The following RPS7 variants were observed in gnomAD, a reference collection of about 807,000 sequenced individuals.
RPS7 encodes the protein ribosomal protein S7.
Under a neutral mutation model 22.1 loss-of-function variants are expected in RPS7, and 1 was observed. The observed-to-expected ratio is 0.05, with a 90% CI of 0.02 to 0.21. The LOEUF is 0.21. Among genes scored for constraint, RPS7 ranks in the 10% least tolerant of loss-of-function variants. RPS7 has a pLI of 1.00. For synonymous variants in RPS7, 80 were observed against 92.0 expected, an observed-to-expected ratio of 0.87 and a Z score of 0.74; for missense variants, 137 against 246.4, an observed-to-expected ratio of 0.56 and a Z score of 2.97.
chr2:3,575,870 G>C lies in RPS7; in HGVS notation c.129G>C (p.Leu43=), dbSNP rs375502460. ...NSDLKAQLRE[L]NITAAKEIEV... is the part of the protein sequence containing the mutation. ...ACCTCAAGGCTCAGCTCAGGGAGCT[G>C]AATATTACGGCAGCTAAGGTAAGCT... Residue 43 remains leucine (L), a synonymous_variant, in exon 3 of 7, where the codon CTG becomes CTC. Transcript: ENST00000645674. 6.2e-7 allele frequency: 1 copy of C among 1,610,370 alleles called. No individual in the cohort carries two copies. Among genetic ancestry groups the C allele is most frequent in the African/African-American group, 1.3e-5 (1 of 74,850 alleles).
intron 5 of RPS7, chr2:3,578,834 A>C (rs1661341858): frequency 6.6e-6 from 1 of 152,234 alleles, no homozygotes; most frequent in Non-Finnish European, 1.5e-5. Context: ...AGTTTCCCTC[A>C]GTACAAACCT....
rs926691622 is a variant in RPS7 at position 3,576,754 on chromosome 2, G to A, written c.291+124G>A. The A allele has an allele frequency of 8.2e-6, 10 of 1,224,572 alleles. No individual in the cohort carries two copies. In the Admixed American group the frequency reaches 1.2e-4, roughly 14 times the overall value. The allele number at this position is 1,224,572 out of a possible 1,614,324, so 75.9% of individuals were successfully genotyped here. On this transcript the variant is annotated intron_variant, in intron 4 of 6. Coordinates refer to ENST00000645674, the MANE Select transcript of RPS7 (RefSeq NM_001011.4). ...TTTTATGAATCCAATTGGGTAGAAA[G>A]ATAAAGTACAGGCAGAGCGCCGTGG...
intron 4 of RPS7, chr2:3,576,862 G>A: frequency 3.3e-6 from 2 of 599,340 alleles, no homozygotes; most frequent in East Asian, 2.9e-5. Context: ...GTAAGACCCT[G>A]TCTACAAAAA....
rs1661360203 is a variant in RPS7 at position 3,579,850 on chromosome 2, G to A, written c.357-260G>A. On this transcript the variant is annotated intron_variant, in intron 5 of 6. Transcript: ENST00000645674. The stretch of plus-strand genomic sequence containing the variant: ...CTAGAGATGGTCACTCATTGCCTTG[G>A]TGAGTTTGTAGTTTATCCCAGAGTA... The A allele has an allele frequency of 1.4e-5, 8 of 562,428 alleles. No homozygotes were observed. In the East Asian group the frequency reaches 2.2e-4, roughly 15 times the overall value. 34.8% of individuals were successfully genotyped at this position (562,428 alleles called of 1,614,324 possible).
intron 5 of RPS7, 187 bp from the exon 6 acceptor site, chr2:3,579,923 C>T (rs1056667856): frequency 1.1e-5 from 7 of 642,970 alleles, no homozygotes; most frequent in Non-Finnish European, 1.9e-5. Context: ...AAGCTATTAC[C>T]CTATTCTAGG....
At chr2:3,577,514 A>G (rs1400518201) in intron 4 of RPS7, 196 bp from the exon 5 acceptor site, 11 of 599,134 alleles carry the variant, frequency 1.8e-5, no homozygotes, top group Non-Finnish European at 3.0e-5. Context: ...TGGATTCTGA[A>G]TGATTTATTC....
chr2:3,575,711 G>A (rs1558471913), intron 2 of RPS7, 27 bp downstream of exon 2: 16 of 1,605,312 alleles, frequency 1.0e-5, no homozygotes, highest in African/African-American at 1.3e-5. Flanking sequence ...GGGGTCTGGG[G>A]TGGGGGGAGG....
In RPS7 at chr2:3,577,692, A is replaced by G. The variant is rs1661315560; in HGVS notation, c.292-18A>G. ...AAGTCTTTTTTCATTTTGTTACATG[A>G]TAATTTTTACCTTACAGAGGAGAAT... On this transcript the variant is annotated intron_variant, in intron 4 of 6. Coordinates refer to ENST00000645674, the MANE Select transcript of RPS7 (RefSeq NM_001011.4). 2.5e-6 allele frequency: 4 copies of G among 1,592,090 alleles called. No individual in the cohort carries two copies. The Middle Eastern group carries it at 7.6e-4, about 303-fold the overall frequency.
intron 6 of RPS7, 76 bp from the exon 7 acceptor site, chr2:3,580,729 A>G (rs1661387528): frequency 1.1e-6 from 1 of 923,280 alleles, no homozygotes; most frequent in Non-Finnish European, 1.8e-6. Flanking sequence ...TACAGGGCAC[A>G]ATTTCACGAA....
chr2:3,578,520 A>C (rs954811359), intron 5 of RPS7: 1 of 152,102 alleles, frequency 6.6e-6, no homozygotes, highest in Non-Finnish European at 1.5e-5. Flanking sequence ...AGTGCTAAGA[A>C]TGTTTTTTTT....
At chr2:3,578,005 G>T in intron 5 of RPS7, 4 of 558,416 alleles carry the variant, frequency 7.2e-6, no homozygotes, top group South Asian at 6.4e-5. Flanking sequence ...AAGATGAGAT[G>T]ATTTCCTCCG....
intron 4 of RPS7, chr2:3,576,932 C>T: frequency 2.5e-6 from 1 of 398,446 alleles, no homozygotes; most frequent in Non-Finnish European, 4.7e-6. Context: ...AGAGTCGAAA[C>T]AAGAAGTCTG....
At position 3,575,799 on chromosome 2, in the gene RPS7, C is replaced by G. The variant is rs759821076; in HGVS notation, c.76-18C>G. 6.2e-7 allele frequency: 1 copy of G among 1,610,482 alleles called. No individual in the cohort carries two copies. The highest frequency in any genetic ancestry group is 2.2e-5 in the East Asian group (1 of 44,854). ...GGACGCGCGCTCAGGGTCGGTCCTG[C>G]TGTTCGTTGCTTCTTAGGCTCTTCT... On this transcript the variant is annotated intron_variant, in intron 2 of 6. Coordinates refer to ENST00000645674, the MANE Select transcript of RPS7 (RefSeq NM_001011.4).
chr2:3,577,463 T>C, intron 4 of RPS7: 1 of 547,392 alleles, frequency 1.8e-6, no homozygotes, highest in South Asian at 2.2e-5. Context: ...GGGAAAGGCG[T>C]ATCTGGGAGA....
intron 1 of RPS7, 60 bp from the exon 2 acceptor site, chr2:3,575,532 G>C (rs570783619): frequency 1.1e-5 from 13 of 1,235,178 alleles, no homozygotes; most frequent in Non-Finnish European, 1.5e-5. Flanking sequence ...GTGCGGGCGG[G>C]AGGGCGAGCC....
intron 5 of RPS7, chr2:3,579,156 T>G (rs1385455272): frequency 6.6e-6 from 1 of 152,252 alleles, no homozygotes; most frequent in Admixed American, 6.5e-5. Flanking sequence ...TAGATGACAT[T>G]GGAATCTAAT....
In RPS7 at chr2:3,575,917, GA is replaced by G. The variant is rs775775637; in HGVS notation, c.147+30del. ...AGCTGGCGCTCCCTCGGCTGGGAGG[GA>G]GGTTGCGGCGCGTCTCCCCGCGCAG... On this transcript the variant is annotated intron_variant, in intron 3 of 6. Transcript: ENST00000645674. The G allele has an allele frequency of 5.5e-5, 85 of 1,547,086 alleles. 1 individual carries two copies. The highest frequency in any genetic ancestry group is 7.0e-5 in the Non-Finnish European group (79 of 1,128,458).
rs62106033 is a variant in RPS7 at position 3,576,349 on chromosome 2, T to C, written c.148-138T>C. 0.064 allele frequency: 52,015 copies of C among 807,424 alleles called. 1,885 individuals carry two copies. Among genetic ancestry groups the C allele is most frequent in the South Asian group, 0.091 (6,625 of 72,430 alleles). 50.0% of individuals were successfully genotyped at this position (807,424 alleles called of 1,614,324 possible). A position where few individuals can be genotyped will look rare whatever the true frequency, so the allele number is the denominator to read the frequency against. ...GATGAGAACATTTCCGAAGGATGCA[T>C]TTATGATTAACTCAAAACTAGTATT... On this transcript the variant is annotated intron_variant, in intron 3 of 6. Coordinates refer to ENST00000645674, the MANE Select transcript of RPS7 (RefSeq NM_001011.4).
chr2:3,580,352 CTG>C (rs780978668), intron 6 of RPS7, 92 bp downstream of exon 6: 5 of 1,111,696 alleles, frequency 4.5e-6, no homozygotes, highest in East Asian at 4.9e-5. Context: ...ATAGCAATGA[CTG>C]TAGTAAACTC....
Sources: gnomAD v4.1 joint callset for allele counts on GRCh38, gnomAD v4.1.1 for gene constraint, MANE v1.5 for transcripts, NCBI Gene and HGNC (gene_info 2026-07-23, HGNC 2026-07-21) for gene names.